The following RALGAPA2 variants were observed in gnomAD, a reference collection of about 807,000 sequenced individuals.
RALGAPA2 encodes the protein Ral GTPase activating protein catalytic subunit alpha 2.
A neutral mutation model predicts 230.4 loss-of-function variants in RALGAPA2; 139 were observed. That is an observed-to-expected ratio of 0.60 (90% CI 0.53 to 0.69). The LOEUF (loss-of-function observed/expected upper bound fraction) is 0.69, where lower values mean the gene tolerates loss of function less well. RALGAPA2 is among the 30% of genes least tolerant of loss of function. The pLI is 0.00. For missense variants in RALGAPA2, 2,163 were observed against 2,276.0 expected (o/e 0.95, Z 1.01); for synonymous variants, 847 against 837.8 (o/e 1.01, Z -0.19).
chr20:20,540,824 AC>A, intron 24 of RALGAPA2, among the ~76,000 whole-genome samples: 1 of 151,938 alleles, frequency 6.6e-6, no homozygotes, highest in East Asian at 1.9e-4. Flanking sequence ...GTTTTGATAT[AC>A]ATACTGTTTT....
rs1602464238 is a variant in RALGAPA2, at chr20:20,469,531, T to C, written c.5495+3298A>G. 2.6e-5 allele frequency among the ~76,000 whole-genome samples: 4 copies of C among 152,244 alleles called. No homozygotes were observed. In the South Asian group the frequency reaches 8.3e-4, roughly 32 times the overall value. ...AGTTCTCTCCATCAAATGCTGATAG[T>C]TACAGCGAGTAGAGATGGTGAATGC... On this transcript the variant is annotated intron_variant, in intron 37 of 39. Transcript: ENST00000202677.
chr20:20,637,558 A>G (rs2066897122), intron 7 of RALGAPA2, 57 bp from the exon 8 acceptor site: 1 of 1,418,632 alleles, frequency 7.0e-7, no homozygotes, highest in Admixed American at 2.6e-5. Context: ...ATTAACATAT[A>G]CTAAACTGAA....
At position 20,535,756 on chromosome 20, in the gene RALGAPA2, A is replaced by G. The variant is rs1472782845; in HGVS notation, c.3462T>C (p.Asn1154=). Residue 1154 remains asparagine (N), a synonymous_variant, in exon 26 of 40, where the codon AAT becomes AAC. Transcript: ENST00000202677. ...TATTCAACATTTACCTTGCATATTC[A>G]TTTGGTTCTTCTGTGGCATTCTTCA... ...ILLKNATEEP[N]EYARCIAVCS... 1 of 1,548,720 alleles carries G rather than the reference A, an allele frequency of 6.5e-7. No individual in the cohort carries two copies. The highest frequency in any genetic ancestry group is 1.4e-5 in the African/African-American group (1 of 72,998).
chr20:20,692,245 A>C (rs1353360783), intron 1 of RALGAPA2, among the ~76,000 whole-genome samples: 1 of 152,276 alleles, frequency 6.6e-6, no homozygotes, highest in African/African-American at 2.4e-5. Flanking sequence ...TGTTTCTTAC[A>C]TACAATTACA....
At chr20:20,552,777 G>A (rs2063965798) in intron 23 of RALGAPA2, among the ~76,000 whole-genome samples, 1 of 152,144 alleles carries the variant, frequency 6.6e-6, no homozygotes, top group Non-Finnish European at 1.5e-5. Flanking sequence ...TTAGTTACCA[G>A]AAGACCAGAT....
intron 37 of RALGAPA2, chr20:20,472,553 A>C (rs1302701215): frequency 1.3e-5 from 3 of 225,692 alleles, no homozygotes; most frequent in Non-Finnish European, 2.6e-5. Flanking sequence ...ATACCTAAGA[A>C]GATATGAGCA....
At chr20:20,529,074 C>T (rs373667090) in intron 27 of RALGAPA2, among the ~76,000 whole-genome samples, 11 of 152,248 alleles carry the variant, frequency 7.2e-5, no homozygotes, top group African/African-American at 9.6e-5. Flanking sequence ...CACAGCAACA[C>T]GGAAACTAGA....
At chr20:20,659,564 T>C in intron 3 of RALGAPA2, 1 of 216,914 alleles carries the variant, frequency 4.6e-6, no homozygotes, top group Admixed American at 5.1e-5. Context: ...TGTGGGGTTC[T>C]AAACACTGTG....
intron 23 of RALGAPA2, among the ~76,000 whole-genome samples, chr20:20,549,475 G>A (rs1480365003): frequency 6.6e-6 from 1 of 152,058 alleles, no homozygotes; most frequent in South Asian, 2.1e-4. Context: ...GTAAGACAGC[G>A]CCCTGAGGAG....
At position 20,712,527 on chromosome 20, in the gene RALGAPA2, G is replaced by A; in HGVS notation, c.-47C>T. 10 of 1,519,308 alleles carry A rather than the reference G, an allele frequency of 6.6e-6. No individual in the cohort carries two copies. Among genetic ancestry groups the A allele is most frequent in the Non-Finnish European group, 8.8e-6 (10 of 1,133,898 alleles). The allele number at this position is 1,519,308 out of a possible 1,614,324, so 94.1% of individuals were successfully genotyped here. A position where few individuals can be genotyped will look rare whatever the true frequency, so the allele number is the denominator to read the frequency against. Reference sequence around the variant, plus strand: ...CCCGCCGGCGGGGCAGTAGGCGCCTGCGCCACGCGAATCAAAGCATAGGGT... The same window carrying A: ...CCCGCCGGCGGGGCAGTAGGCGCCTACGCCACGCGAATCAAAGCATAGGGT... On this transcript the variant is annotated 5_prime_UTR_variant, in exon 1 of 40. Transcript: ENST00000202677. This position sits in a 1 kb window ranked among gnomAD's most constrained non-coding sequence, Gnocchi z 5.5.
intron 35 of RALGAPA2, among the ~76,000 whole-genome samples, chr20:20,495,790 T>C (rs1328778307): frequency 6.6e-6 from 1 of 152,214 alleles, no homozygotes; most frequent in African/African-American, 2.4e-5. Context: ...AAAGGACGTA[T>C]AAAATTACCT....
rs138091456 is a variant in RALGAPA2, at chr20:20,615,475, T to TAAGAG, written c.1688+563_1688+567dup. On this transcript the variant is annotated intron_variant, in intron 13 of 39. Coordinates refer to ENST00000202677, the MANE Select transcript of RALGAPA2 (RefSeq NM_020343.4). The stretch of plus-strand genomic sequence containing the variant: ...CCGCACCTGGCTGATAACTTTCAAA[T>TAAGAG]AAGAGCAGGAAAAAAAAATCTAATG... 7.2e-3 allele frequency among the ~76,000 whole-genome samples: 1,099 copies of TAAGAG among 151,676 alleles called. 8 individuals carry two copies. Among genetic ancestry groups the TAAGAG allele is most frequent in the African/African-American group, 0.026 (1,056 of 41,370 alleles).
chr20:20,461,265 C>G (rs1432374429), intron 37 of RALGAPA2, among the ~76,000 whole-genome samples: 1 of 152,090 alleles, frequency 6.6e-6, no homozygotes, highest in Non-Finnish European at 1.5e-5. Context: ...TCTAAAGAGG[C>G]TCTTCTTTTT....
intron 37 of RALGAPA2, among the ~76,000 whole-genome samples, chr20:20,429,096 T>C (rs1334798936): frequency 6.6e-6 from 1 of 152,110 alleles, no homozygotes; most frequent in Admixed American, 6.5e-5. Context: ...TGAAGCTCTT[T>C]GTAGCCAAGA....
chr20:20,452,389 T>A (rs2061006878), intron 37 of RALGAPA2, among the ~76,000 whole-genome samples: 3 of 152,226 alleles, frequency 2.0e-5, no homozygotes, highest in Non-Finnish European at 1.5e-5. Context: ...TCATCGTGCA[T>A]TAGCTGCAGA....
At chr20:20,574,754 G>A (rs1447905141) in intron 20 of RALGAPA2, among the ~76,000 whole-genome samples, 1 of 152,054 alleles carries the variant, frequency 6.6e-6, no homozygotes, top group East Asian at 1.9e-4. Context: ...GCCCTTTTTA[G>A]ACAATTCTAT....
chr20:20,480,656 G>C (rs1395817481), intron 36 of RALGAPA2, among the ~76,000 whole-genome samples: 1 of 152,204 alleles, frequency 6.6e-6, no homozygotes, highest in Non-Finnish European at 1.5e-5. Flanking sequence ...GACAGGGTGA[G>C]TGGTCCTGCC....
chr20:20,577,731 G>A (rs1312918245), intron 20 of RALGAPA2, among the ~76,000 whole-genome samples: 2 of 151,986 alleles, frequency 1.3e-5, no homozygotes, highest in East Asian at 3.9e-4. Flanking sequence ...TGAACAAGAA[G>A]CATAATATGG....
intron 37 of RALGAPA2, among the ~76,000 whole-genome samples, chr20:20,465,360 G>T (rs1041216974): frequency 6.6e-6 from 1 of 152,146 alleles, no homozygotes; most frequent in Non-Finnish European, 1.5e-5. Flanking sequence ...AGGGGTCCTT[G>T]GCACAGGAGG....
Sources: gnomAD v4.1 joint callset for allele counts (sites outside exome capture counted in the v4.1 genomes callset) on GRCh38, gnomAD v4.1.1 for gene constraint, Gnocchi (gnomAD v3.1) non-coding constraint, MANE v1.5 for transcripts, NCBI Gene and HGNC (gene_info 2026-07-23, HGNC 2026-07-21) for gene names.